Variants in USH2A observed in about 807,000 individuals in gnomAD.
USH2A encodes the protein Usher syndrome 2A (autosomal recessive, mild).
A neutral mutation model predicts 538.9 loss-of-function variants in USH2A; 443 were observed. That is an observed-to-expected ratio of 0.82 (90% CI 0.76 to 0.89). The LOEUF is 0.89. USH2A is among the 40% of genes least tolerant of loss of function. USH2A has a pLI of 0.00. For synonymous variants in USH2A, 2,413 were observed against 2,273.5 expected, an observed-to-expected ratio of 1.06 and a Z score of -1.75; for missense variants, 6,633 against 6,324.8, an observed-to-expected ratio of 1.05 and a Z score of -1.65.
chr1:216,385,811 T>C (rs1352215940), intron 3 of USH2A, among the ~76,000 whole-genome samples: 1 of 152,188 alleles, frequency 6.6e-6, no homozygotes, highest in Non-Finnish European at 1.5e-5. Flanking sequence ...ACTTGACCAG[T>C]CACTGTTTGC....
At chr1:216,067,869 A>G (rs2031431591) in intron 30 of USH2A, among the ~76,000 whole-genome samples, 1 of 152,168 alleles carries the variant, frequency 6.6e-6, no homozygotes, top group African/African-American at 2.4e-5. Flanking sequence ...AGCAGCATCT[A>G]TCTGGTATTT....
At position 215,813,751 on chromosome 1, in the gene USH2A, C is replaced by A; in HGVS notation, c.9724G>T (p.Ala3242Ser). The change falls in exon 49 of 72, where the codon GCT (alanine) becomes TCT (serine). Residue 3242 changes from alanine (A) to serine (S), a missense_variant. By Grantham distance (99) the Ala-to-Ser change is moderately conservative. Coordinates refer to ENST00000307340, the MANE Select transcript of USH2A (RefSeq NM_206933.4). ...PNHQCCSGYY[A>S]RILPGEVCCP... ...TAACCCTCACCTGGTAGAATTCTAG[C>A]GTAATACCCAGAGCAGCACTGATGA... 1 of 1,613,786 alleles carries A rather than the reference C, an allele frequency of 6.2e-7. No homozygotes were observed. The highest frequency in any genetic ancestry group is 8.5e-7 in the Non-Finnish European group (1 of 1,179,814).
chr1:215,719,345 T>A, intron 61 of USH2A, among the ~76,000 whole-genome samples: 1 of 78,230 alleles, frequency 1.3e-5, no homozygotes. Flanking sequence ...GATAAGACCG[T>A]AATAAACCTC....
intron 37 of USH2A, among the ~76,000 whole-genome samples, chr1:215,952,338 G>C (rs1343290314): frequency 2.6e-5 from 4 of 152,136 alleles, no homozygotes; most frequent in Non-Finnish European, 5.9e-5. Context: ...TATCCAATTT[G>C]CCAGTCTGTG....
rs142716892 is a variant in USH2A, at chr1:216,348,357, G to T, written c.784+16596C>A. Among the ~76,000 whole-genome samples, 604 of 152,146 alleles carry T rather than the reference G, an allele frequency of 4.0e-3. 3 individuals carry two copies. Among genetic ancestry groups the T allele is most frequent in the African/African-American group, 0.014 (572 of 41,538 alleles). Reference sequence around the variant, plus strand: ...CAATAAAAACCCCTTGGGAAAACTGGTCACATTCTTTGTTTACACATGCCC... The same window carrying T: ...CAATAAAAACCCCTTGGGAAAACTGTTCACATTCTTTGTTTACACATGCCC... On this transcript the variant is annotated intron_variant, in intron 4 of 71. Coordinates refer to ENST00000307340, the MANE Select transcript of USH2A (RefSeq NM_206933.4).
At chr1:216,274,064 A>G (rs1306764712) in intron 11 of USH2A, among the ~76,000 whole-genome samples, 3 of 152,110 alleles carry the variant, frequency 2.0e-5, no homozygotes, top group Non-Finnish European at 4.4e-5. Context: ...GATGATTCTT[A>G]TGAACACTAA....
chr1:216,227,589 G>A (rs1014854898), intron 14 of USH2A, among the ~76,000 whole-genome samples: 10 of 152,238 alleles, frequency 6.6e-5, no homozygotes, highest in Admixed American at 3.9e-4. Flanking sequence ...CAAGGACTGG[G>A]AACAGGTTAT....
At chr1:215,883,077 C>T (rs1664957850) in intron 41 of USH2A, among the ~76,000 whole-genome samples, 3 of 152,172 alleles carry the variant, frequency 2.0e-5, no homozygotes. Context: ...TACTGATATT[C>T]GTTTTTGCTA....
intron 13 of USH2A, among the ~76,000 whole-genome samples, chr1:216,239,971 T>G (rs1356139092): frequency 5.9e-5 from 8 of 134,996 alleles, no homozygotes; most frequent in African/African-American, 2.3e-4. Flanking sequence ...CATGGTAGAT[T>G]GAATAATGTT....
At chr1:216,332,786 T>A (rs1290832927) in intron 4 of USH2A, among the ~76,000 whole-genome samples, 1 of 152,020 alleles carries the variant, frequency 6.6e-6, no homozygotes, top group Non-Finnish European at 1.5e-5. Context: ...CAGAATTAGC[T>A]CAGGAAAGCC....
At chr1:216,084,932 C>CAAAAAAA (rs1192021545) in intron 24 of USH2A, 55 bp from the exon 25 acceptor site, 5 of 1,568,258 alleles carry the variant, frequency 3.2e-6, no homozygotes, top group Admixed American at 1.7e-5. Context: ...TATTTTCAAG[C>CAAAAAAA]AATTAATTTT....
chr1:216,082,629 G>A (rs1035890050), intron 26 of USH2A, among the ~76,000 whole-genome samples: 9 of 151,944 alleles, frequency 5.9e-5, no homozygotes, highest in African/African-American at 1.4e-4. Flanking sequence ...TTTTAATAAC[G>A]TATTTAACAG....
At position 215,993,144 on chromosome 1, in the gene USH2A, T is replaced by C. The variant is rs1348209601; in HGVS notation, c.6681A>G (p.Thr2227=). ...KLGACTGGGC[T]VSEASEALTD... ...TTAGGGCCTCACTGGCCTCACTCACTGTGCACCCACCACCTGTGCAAGCCT... is the reference window on the plus strand; with the variant it reads ...TTAGGGCCTCACTGGCCTCACTCACCGTGCACCCACCACCTGTGCAAGCCT... Residue 2227 remains threonine (T), a synonymous_variant, in exon 35 of 72, where the codon ACA becomes ACG. Coordinates refer to ENST00000307340, the MANE Select transcript of USH2A (RefSeq NM_206933.4). 3 of 1,614,038 alleles carry C rather than the reference T, an allele frequency of 1.9e-6. No individual in the cohort carries two copies. Among genetic ancestry groups the C allele is most frequent in the East Asian group, 2.2e-5 (1 of 44,846 alleles).
chr1:215,904,735 T>C (rs1172673976), intron 38 of USH2A, among the ~76,000 whole-genome samples: 1 of 152,022 alleles, frequency 6.6e-6, no homozygotes, highest in African/African-American at 2.4e-5. Context: ...TCTTGTCCAG[T>C]AAATACTAAT....
In USH2A at chr1:216,323,437, A is replaced by T. The variant is rs1264944406; in HGVS notation, c.1550+37T>A. On this transcript the variant is annotated intron_variant, in intron 8 of 71. Coordinates refer to ENST00000307340, the MANE Select transcript of USH2A (RefSeq NM_206933.4). ...ATGTGCTGTTAAGACAGTAAGTATGACAAAAACCTTGTTGAAAACAAAATT... is the reference window on the plus strand; with the variant it reads ...ATGTGCTGTTAAGACAGTAAGTATGTCAAAAACCTTGTTGAAAACAAAATT... The T allele has an allele frequency of 2.5e-6, 4 of 1,604,368 alleles. No individual in the cohort carries two copies. In the East Asian group the frequency reaches 9.0e-5, roughly 36 times the overall value.
chr1:215,657,655 G>T (rs1373587013), intron 64 of USH2A, among the ~76,000 whole-genome samples: 1 of 152,186 alleles, frequency 6.6e-6, no homozygotes, highest in Non-Finnish European at 1.5e-5. Context: ...AGGCAAGATA[G>T]AACGTGATTT....
chr1:216,376,558 C>G (rs2102725990), intron 3 of USH2A, among the ~76,000 whole-genome samples: 1 of 152,224 alleles, frequency 6.6e-6, no homozygotes, highest in South Asian at 2.1e-4. Context: ...CACTTTTCCT[C>G]AAAATGTTTA....
intron 9 of USH2A, among the ~76,000 whole-genome samples, chr1:216,305,043 T>A (rs544388022): frequency 6.6e-6 from 1 of 152,092 alleles, no homozygotes; most frequent in East Asian, 1.9e-4. Flanking sequence ...TTGTTCTAAG[T>A]CATAGTTTAA....
chr1:216,221,831 T>C (rs2035462593), intron 14 of USH2A, among the ~76,000 whole-genome samples: 1 of 152,196 alleles, frequency 6.6e-6, no homozygotes, highest in African/African-American at 2.4e-5. Context: ...TGCTCACAGA[T>C]AGAAGAGAGA....
Sources: allele counts gnomAD v4.1 joint callset (sites outside exome capture counted in the v4.1 genomes callset), GRCh38; gene constraint gnomAD v4.1.1; transcripts MANE v1.5; gene names NCBI Gene and HGNC (gene_info 2026-07-23, HGNC 2026-07-21).